Variants in CEP76 observed in about 807,000 individuals in gnomAD.
CEP76 encodes the protein centrosomal protein of 76 kDa.
Under a neutral mutation model 83.3 loss-of-function variants are expected in CEP76, and 55 were observed. That is an observed-to-expected ratio of 0.66 (90% confidence interval 0.53 to 0.83). The LOEUF (loss-of-function observed/expected upper bound fraction) is 0.83, where lower values mean the gene tolerates loss of function less well. Ranked by LOEUF, CEP76 falls within the 40% of genes least tolerant of loss-of-function variation. The pLI, the probability that CEP76 is intolerant of heterozygous loss-of-function variation, is 0.00. For missense variants in CEP76, 694 were observed against 799.5 expected, an observed-to-expected ratio of 0.87 and a Z score of 1.59; for synonymous variants, 270 against 274.5, an observed-to-expected ratio of 0.98 and a Z score of 0.16.
At chr18:12,671,055 T>G (rs2038929093), downstream of CEP76, 1 of 151,376 alleles carries the variant, frequency 6.6e-6, no homozygotes, top group Non-Finnish European at 1.5e-5. Flanking sequence ...ATCATAATAT[T>G]TCAGACTTTT....
At chr18:12,702,405 G>C (rs758481532) in intron 1 of CEP76, 81 bp downstream of exon 1, 45 of 1,077,626 alleles carry the variant, frequency 4.2e-5, no homozygotes, top group Non-Finnish European at 6.3e-5. Flanking sequence ...AGCAGATGCC[G>C]CTGTCGGCCC....
At position 12,702,496 on chromosome 18, in the gene CEP76, T is replaced by A; in HGVS notation, c.53A>T (p.Gln18Leu). 1 of 1,609,648 alleles carries A rather than the reference T, an allele frequency of 6.2e-7. No homozygotes were observed. The highest frequency in any genetic ancestry group is 8.5e-7 in the Non-Finnish European group (1 of 1,178,292). ...ASELKQLIHQ[Q>L]LSKMDVHGRI... ...ACCCGCGACTCTCACCTTGCTCAGC[T>A]GCTGGTGGATGAGCTGCTTCAGCTC... The change falls in exon 1 of 12, where the codon CAG becomes CTG. Residue 18 changes from glutamine (Q) to leucine (L), a missense_variant. Transcript: ENST00000262127.
chr18:12,669,038 T>TC (rs1399898434), downstream of CEP76, among the ~76,000 whole-genome samples: 7 of 94,956 alleles, frequency 7.4e-5, no homozygotes, highest in African/African-American at 2.6e-4. Flanking sequence ...CGCACTTTTT[T>TC]TTTTTTTTTT....
In CEP76 at chr18:12,672,935, G is replaced by A; in HGVS notation, c.*430C>T. The A allele has an allele frequency of 5.1e-6, 5 of 982,514 alleles. No individual in the cohort carries two copies. The highest frequency in any genetic ancestry group is 6.0e-6 in the Non-Finnish European group (5 of 827,154). 60.9% of individuals were successfully genotyped at this position (982,514 alleles called of 1,614,324 possible). ...ATGCAATAAATAAATCTGTCATGAGGTTAATTTCTCCTAATCTGTATAAAA... is the reference window on the plus strand; with the variant it reads ...ATGCAATAAATAAATCTGTCATGAGATTAATTTCTCCTAATCTGTATAAAA... On this transcript the variant is annotated 3_prime_UTR_variant, in exon 12 of 12. Transcript: ENST00000262127.
chr18:12,697,161 A>C, intron 5 of CEP76, 62 bp downstream of exon 5: 1 of 1,187,514 alleles, frequency 8.4e-7, no homozygotes, highest in Non-Finnish European at 1.2e-6. Context: ...AAAGATATAA[A>C]ATATATTTAC....
intron 8 of CEP76, among the ~76,000 whole-genome samples, chr18:12,683,116 C>A (rs111543105): frequency 0.014 from 2,092 of 146,944 alleles, 57 homozygotes; most frequent in African/African-American, 0.05. Context: ...GAGGCTGAAG[C>A]GGGCAGATCA....
chr18:12,689,481 A>G (rs1374684653), intron 7 of CEP76, among the ~76,000 whole-genome samples: 1 of 152,240 alleles, frequency 6.6e-6, no homozygotes, highest in African/African-American at 2.4e-5. Context: ...AAAAGAGCCA[A>G]TGCCTGGCCA....
At chr18:12,694,278 T>C (rs745784564) in intron 6 of CEP76, among the ~76,000 whole-genome samples, 2 of 152,166 alleles carry the variant, frequency 1.3e-5, no homozygotes, top group Admixed American at 6.6e-5. Flanking sequence ...GGAGAAGCAC[T>C]AGCGTCTAAC....
chr18:12,695,885 C>CACACACACACAA (rs557125479), intron 5 of CEP76, among the ~76,000 whole-genome samples: 3 of 149,858 alleles, frequency 2.0e-5, no homozygotes, highest in African/African-American at 7.4e-5. Flanking sequence ...CACACACACA[C>CACACACACACAA]TAAAAATTAG....
chr18:12,671,446 TAAAAAACTTA>T (rs2038939755), downstream of CEP76, among the ~76,000 whole-genome samples: 1 of 151,652 alleles, frequency 6.6e-6, no homozygotes, highest in Non-Finnish European at 1.5e-5. Flanking sequence ...TTTGAAAAAA[TAAAAAACTTA>T]AAAAAAATGA....
upstream of CEP76, chr18:12,702,760 C>G (rs547739594): frequency 2.1e-4 from 122 of 588,622 alleles, 1 homozygote; most frequent in African/African-American, 1.9e-3. Flanking sequence ...TGTTTTCAAA[C>G]AGTGGCGGAC....
At chr18:12,690,623 T>C (rs911820918) in intron 7 of CEP76, among the ~76,000 whole-genome samples, 13 of 152,042 alleles carry the variant, frequency 8.6e-5, no homozygotes, top group African/African-American at 2.9e-4. Context: ...GCCCGGCTAA[T>C]TTTTTGTGTT....
rs765044741 is a variant in CEP76, at chr18:12,702,660, C to G, written c.-112G>C. ...CGACTGGAGCACAAAGCGCCGCAGC[C>G]GTTCGCCTAGCGCAGCTCCCGGGGG... On this transcript the variant is annotated 5_prime_UTR_variant, in exon 1 of 12. Coordinates refer to ENST00000262127, the MANE Select transcript of CEP76 (RefSeq NM_024899.4). The G allele has an allele frequency of 3.9e-6, 5 of 1,271,066 alleles. No individual in the cohort carries two copies. The highest frequency in any genetic ancestry group is 2.7e-5 in the East Asian group (1 of 36,834). 78.7% of individuals were successfully genotyped at this position (1,271,066 alleles called of 1,614,324 possible). A position where few individuals can be genotyped will look rare whatever the true frequency, so the allele number is the denominator to read the frequency against.
At chr18:12,681,108 G>T (rs1261238469) in intron 8 of CEP76, among the ~76,000 whole-genome samples, 1 of 150,338 alleles carries the variant, frequency 6.7e-6, no homozygotes, top group African/African-American at 2.4e-5. Flanking sequence ...CGAGGCAAGA[G>T]AATCACGTGA....
chr18:12,662,299 C>A (rs2038707725), intron 12 of CEP76: 1 of 368,908 alleles, frequency 2.7e-6, no homozygotes, highest in South Asian at 2.1e-5. Context: ...AAAATGTGCT[C>A]TTCAGTTATA....
chr18:12,686,415 A>G lies in CEP76; in HGVS notation c.969T>C (p.Tyr323=), dbSNP rs2039541807. The change falls in exon 8 of 12, where the codon TAT becomes TAC. Residue 323 remains tyrosine (Y), a synonymous_variant. Transcript: ENST00000262127. ...GCCGTCCAGCTCGAAGTGGTTTAAC[A>G]TAGGAACAGACTGGTCTATTTATCC... is the stretch of plus-strand genomic sequence containing the variant. The part of the protein sequence containing the change: ...ENGINRPVCS[Y]VKPLRAGRLL... 1 of 1,614,050 alleles carries G rather than the reference A, an allele frequency of 6.2e-7. No individual in the cohort carries two copies. The highest frequency in any genetic ancestry group is 8.5e-7 in the Non-Finnish European group (1 of 1,179,956).
chr18:12,694,641 C>T (rs1301139522), intron 6 of CEP76, among the ~76,000 whole-genome samples: 2 of 152,048 alleles, frequency 1.3e-5, no homozygotes, highest in Non-Finnish European at 2.9e-5. Context: ...TGCGAAAGAA[C>T]GTTAAAATCC....
Position 12,702,684 on chromosome 18 carries a change from G to T in CEP76, c.-136C>A. 1.0e-6 allele frequency: 1 copy of T among 957,430 alleles called. No individual in the cohort carries two copies. The highest frequency in any genetic ancestry group is 1.5e-6 in the Non-Finnish European group (1 of 672,532). 59.3% of individuals were successfully genotyped at this position (957,430 alleles called of 1,614,324 possible). On this transcript the variant is annotated 5_prime_UTR_variant, in exon 1 of 12. Coordinates refer to ENST00000262127, the MANE Select transcript of CEP76 (RefSeq NM_024899.4). ...CCGTTCGCCTAGCGCAGCTCCCGGG[G>T]GACGCAACGCCGCGTCAGGCCGGGG...
In CEP76 at chr18:12,674,591, A is replaced by G. The variant is rs1292070390; in HGVS notation, c.1786T>C (p.Phe596Leu). The change falls in exon 11 of 12, where the codon TTC (phenylalanine) becomes CTC (leucine). Residue 596 changes from phenylalanine to leucine, a missense_variant. Coordinates refer to ENST00000262127, the MANE Select transcript of CEP76 (RefSeq NM_024899.4). ...AVPDGHTFKGFPIHFVYRNAR... is the reference protein window; with the variant it reads ...AVPDGHTFKGLPIHFVYRNAR... ...TTTCTATACACAAAATGTATTGGGAACCCTTTAAATGTGTGACCATCAGGT... is the reference window on the plus strand; with the variant it reads ...TTTCTATACACAAAATGTATTGGGAGCCCTTTAAATGTGTGACCATCAGGT... 1 of 1,614,098 alleles carries G rather than the reference A, an allele frequency of 6.2e-7. No individual in the cohort carries two copies. The highest frequency in any genetic ancestry group is 2.2e-5 in the East Asian group (1 of 44,872).
Sources: gnomAD v4.1 joint callset for allele counts (sites outside exome capture counted in the v4.1 genomes callset) on GRCh38, gnomAD v4.1.1 for gene constraint, MANE v1.5 for transcripts, NCBI Gene and HGNC (gene_info 2026-07-23, HGNC 2026-07-21) for gene names.